Variants in CPQ observed in about 807,000 individuals in gnomAD.
CPQ encodes the protein carboxypeptidase Q, also known as Ser-Met dipeptidase.
CPQ carries 37 observed loss-of-function variants against 45.7 expected under a neutral mutation model. The ratio of observed to expected loss-of-function variants is 0.81; its 90% CI spans 0.62 to 1.07. The LOEUF (loss-of-function observed/expected upper bound fraction) is 1.07. Ranked by LOEUF, CPQ falls within the 50% of genes least tolerant of loss-of-function variation. The probability of loss-of-function intolerance (pLI) is 0.00; values close to 1 mark genes in which losing one functional copy is unlikely to be tolerated. For synonymous variants in CPQ, 186 were observed against 205.8 expected (o/e 0.90, Z 0.82); for missense variants, 537 against 572.9 (o/e 0.94, Z 0.64).
intron 4 of CPQ, among the ~76,000 whole-genome samples, chr8:96,924,218 G>A (rs367793326): frequency 8.7e-4 from 133 of 152,260 alleles, no homozygotes; most frequent in African/African-American, 3.1e-3. Flanking sequence ...CAACCTCTGT[G>A]TTACCACCCC....
intron 7 of CPQ, among the ~76,000 whole-genome samples, chr8:97,081,211 C>T (rs1333547856): frequency 6.6e-6 from 1 of 152,100 alleles, no homozygotes; most frequent in Non-Finnish European, 1.5e-5. Context: ...TAGCACTATA[C>T]TGCGAAGTGC....
rs184392287 is a variant in CPQ, at chr8:96,779,574, A to G, written c.-34-5290A>G. 1.6e-4 allele frequency among the ~76,000 whole-genome samples: 25 copies of G among 152,298 alleles called. No individual in the cohort carries two copies. In the East Asian group the frequency reaches 4.3e-3, roughly 26 times the overall value. On this transcript the variant is annotated intron_variant, in intron 1 of 7. Coordinates refer to ENST00000220763, the MANE Select transcript of CPQ (RefSeq NM_016134.4). ...GATTAACTTTCTATAAAGCAAGGAT[A>G]TGGACTAGGGATCACTAAGCTCTCT...
chr8:96,707,007 C>A (rs757312220), intron 1 of CPQ, among the ~76,000 whole-genome samples: 2 of 151,886 alleles, frequency 1.3e-5, no homozygotes, highest in Non-Finnish European at 2.9e-5. Context: ...TATGATAGGC[C>A]CAGAATTTAT....
intron 3 of CPQ, among the ~76,000 whole-genome samples, chr8:96,856,265 A>G (rs939690146): frequency 3.3e-5 from 5 of 152,202 alleles, no homozygotes; most frequent in African/African-American, 1.2e-4. Context: ...GGCTATTCCA[A>G]TAGTCCAGGT....
At chr8:97,085,384 TA>T (rs1382439302) in intron 7 of CPQ, among the ~76,000 whole-genome samples, 119 of 143,316 alleles carry the variant, frequency 8.3e-4, no homozygotes, top group Middle Eastern at 3.5e-3. Flanking sequence ...ACCCTGGCTC[TA>T]AAAAAAAAAA....
At chr8:96,838,828 C>G (rs1811566940) in intron 3 of CPQ, among the ~76,000 whole-genome samples, 1 of 152,070 alleles carries the variant, frequency 6.6e-6, no homozygotes, top group South Asian at 2.1e-4. Context: ...TTTGTCCGAA[C>G]TATGTAACCC....
intron 7 of CPQ, among the ~76,000 whole-genome samples, 191 bp downstream of exon 7, chr8:97,066,401 T>C (rs1810637005): frequency 6.6e-6 from 1 of 152,178 alleles, no homozygotes; most frequent in Non-Finnish European, 1.5e-5. Flanking sequence ...TGTTTACCCA[T>C]CTGTATCCCT....
rs184529580 is a variant in CPQ at position 96,706,753 on chromosome 8, A to G, written c.-35+61351A>G. The stretch of plus-strand genomic sequence containing the variant: ...TGAATAAAATCCAGAAAAGTTATAG[A>G]GGAGGAAATGACTTTGAGTTTTTAT... On this transcript the variant is annotated intron_variant, in intron 1 of 7. Transcript: ENST00000220763. Among the ~76,000 whole-genome samples, 525 of 152,270 alleles carry G rather than the reference A, an allele frequency of 3.4e-3. 6 individuals are homozygous for G. Among genetic ancestry groups the G allele is most frequent in the South Asian group, 0.017 (82 of 4,820 alleles).
intron 4 of CPQ, among the ~76,000 whole-genome samples, chr8:96,890,268 A>G (rs1255794240): frequency 4.6e-5 from 7 of 152,268 alleles, no homozygotes; most frequent in Non-Finnish European, 1.0e-4. Context: ...CATATTCTTA[A>G]CAAAATTAGG....
intron 1 of CPQ, among the ~76,000 whole-genome samples, chr8:96,754,042 T>C (rs959166897): frequency 6.6e-6 from 1 of 152,052 alleles, no homozygotes; most frequent in Non-Finnish European, 1.5e-5. Context: ...TATTAAACAA[T>C]CCTTGCATTT....
chr8:96,909,399 G>A (rs1812625536), intron 4 of CPQ, among the ~76,000 whole-genome samples: 1 of 152,140 alleles, frequency 6.6e-6, no homozygotes, highest in African/African-American at 2.4e-5. Context: ...CTTAACACAA[G>A]GCAGCCTTCC....
chr8:96,669,472 G>A (rs1808973740), intron 1 of CPQ, among the ~76,000 whole-genome samples: 2 of 152,138 alleles, frequency 1.3e-5, no homozygotes, highest in South Asian at 4.1e-4. Context: ...CCCTGCAGTA[G>A]TGTCAGAGAA....
rs761506917 is a variant in CPQ at position 97,111,005 on chromosome 8, AT to A, written c.1256-32012del. 3.9e-5 allele frequency among the ~76,000 whole-genome samples: 6 copies of A among 152,228 alleles called. 1 individual carries two copies. The South Asian group carries it at 8.3e-4, about 21-fold the overall frequency. ...AGTGGCAAGTGATACAAATTATTGG[AT>A]TTCTTTTCCAACATAAAAAATAGCT... On this transcript the variant is annotated intron_variant, in intron 7 of 7. Coordinates refer to ENST00000220763, the MANE Select transcript of CPQ (RefSeq NM_016134.4).
intron 5 of CPQ, among the ~76,000 whole-genome samples, chr8:96,966,252 T>C (rs1813560171): frequency 6.6e-6 from 1 of 152,218 alleles, no homozygotes. Flanking sequence ...CAAATGTTAT[T>C]ATCAGCCACT....
intron 3 of CPQ, among the ~76,000 whole-genome samples, chr8:96,878,154 G>A (rs777552775): frequency 1.3e-5 from 2 of 152,046 alleles, no homozygotes; most frequent in Non-Finnish European, 2.9e-5. Context: ...TTTTAGTAGA[G>A]ATGGGGTTTC....
At chr8:96,965,836 TAA>T (rs1201450241) in intron 4 of CPQ, 97 bp from the exon 5 acceptor site, 1 of 710,902 alleles carries the variant, frequency 1.4e-6, no homozygotes, top group Non-Finnish European at 2.2e-6. Context: ...AAAGAAAATA[TAA>T]AAGTTTCATT....
chr8:96,657,344 CA>C (rs560559450), intron 1 of CPQ, among the ~76,000 whole-genome samples: 4 of 150,936 alleles, frequency 2.7e-5, no homozygotes, highest in South Asian at 2.1e-4. Context: ...GACTCTGTCT[CA>C]AAAAAAAATC....
chr8:97,052,486 A>G (rs1307835977), intron 6 of CPQ, among the ~76,000 whole-genome samples: 2 of 152,180 alleles, frequency 1.3e-5, no homozygotes, highest in Non-Finnish European at 2.9e-5. Context: ...AAGCCTCATG[A>G]TGTGCTAACT....
chr8:96,904,207 A>C (rs1812547643), intron 4 of CPQ, among the ~76,000 whole-genome samples: 1 of 111,112 alleles, frequency 9.0e-6, no homozygotes, highest in South Asian at 3.4e-4. Context: ...TTGACTCTAA[A>C]GCTCTCCTCT....
Sources: allele counts gnomAD v4.1 joint callset (sites outside exome capture counted in the v4.1 genomes callset), GRCh38; gene constraint gnomAD v4.1.1; transcripts MANE v1.5; gene names NCBI Gene and HGNC (gene_info 2026-07-23, HGNC 2026-07-21).